ERBIN: variants seen among roughly 807,000 people sequenced by gnomAD.
The protein encoded by ERBIN is erbb2 interacting protein.
In ERBIN, 60 loss-of-function variants were observed where a neutral mutation model predicts 158.4. That is an observed-to-expected ratio of 0.38 (90% CI 0.31 to 0.47). The LOEUF (loss-of-function observed/expected upper bound fraction) is 0.47, where lower values mean the gene tolerates loss of function less well. Ranked by LOEUF, ERBIN falls within the 20% of genes least tolerant of loss-of-function variation. The pLI, the probability that ERBIN is intolerant of heterozygous loss-of-function variation, is 0.99. For synonymous variants in ERBIN, 594 were observed against 557.2 expected (o/e 1.07, Z -0.93); for missense variants, 1,610 against 1,648.0 (o/e 0.98, Z 0.40).
chr5:66,044,593 C>T (rs1187552046), intron 17 of ERBIN, among the ~76,000 whole-genome samples: 3 of 151,188 alleles, frequency 2.0e-5, no homozygotes, highest in Non-Finnish European at 4.4e-5. Context: ...GGTGAAACCC[C>T]ATCTCAACTA....
intron 1 of ERBIN, among the ~76,000 whole-genome samples, chr5:65,981,020 C>G (rs1323702712): frequency 6.6e-6 from 1 of 152,192 alleles, no homozygotes; most frequent in African/African-American, 2.4e-5. Flanking sequence ...CGTGGAACCT[C>G]TCACTAAGAA....
At chr5:66,046,609 A>T in intron 18 of ERBIN, 71 bp downstream of exon 18, 1 of 1,247,590 alleles carries the variant, frequency 8.0e-7, no homozygotes. Flanking sequence ...TGCTAAATAA[A>T]GACCTGATAC....
intron 7 of ERBIN, among the ~76,000 whole-genome samples, chr5:66,016,404 AAT>A (rs1291093846): frequency 2.6e-5 from 4 of 152,204 alleles, no homozygotes; most frequent in African/African-American, 7.2e-5. Flanking sequence ...TGAATTTGCA[AAT>A]ATTCTTTTCT....
intron 17 of ERBIN, among the ~76,000 whole-genome samples, chr5:66,045,318 A>G (rs192926585): frequency 6.6e-6 from 1 of 152,258 alleles, no homozygotes; most frequent in African/African-American, 2.4e-5. Context: ...ATACACAAAT[A>G]CTTTCTATTG....
intron 14 of ERBIN, among the ~76,000 whole-genome samples, chr5:66,032,877 T>C (rs1481193716): frequency 6.6e-6 from 1 of 152,232 alleles, no homozygotes; most frequent in Non-Finnish European, 1.5e-5. Flanking sequence ...GTCAAAGATT[T>C]GGCTTCAGTG....
chr5:65,977,701 C>A (rs1464361340), intron 1 of ERBIN, among the ~76,000 whole-genome samples: 1 of 151,958 alleles, frequency 6.6e-6, no homozygotes, highest in African/African-American at 2.4e-5. Context: ...GGGCTCCTCA[C>A]TTCCCAGACG....
At chr5:66,015,532 CCCTAAAATTTTTTAGGTGTACAGGA>C (rs1304090391) in intron 7 of ERBIN, among the ~76,000 whole-genome samples, 5 of 152,102 alleles carry the variant, frequency 3.3e-5, no homozygotes, top group Non-Finnish European at 7.4e-5. Context: ...TCACTGTAGG[CCCTAAAATTTTTTAGGTGTACAGGA>C]CCTAAAATAT....
chr5:66,048,749 C>A lies in ERBIN; in HGVS notation c.1871C>A (p.Pro624Gln), dbSNP rs1358751062. Residue 624 changes from proline to glutamine, a missense_variant, in exon 19 of 26, where the codon CCA (proline) becomes CAA (glutamine). This residue lies in a region of ERBIN where 1,014 missense variants were observed against 936.1 expected (regional missense o/e 1.08). Transcript: ENST00000284037. Reference protein sequence around the residue: ...PPLIETSINQPKVVALSNNKK... With the variant: ...PPLIETSINQQKVVALSNNKK... Reference sequence around the variant, plus strand: ...TTAATTGAAACCTCTATTAACCAGCCAAAAGTCGTAGCACTTAGTAATAAC... The same window carrying A: ...TTAATTGAAACCTCTATTAACCAGCAAAAAGTCGTAGCACTTAGTAATAAC... The A allele has an allele frequency of 3.1e-6, 5 of 1,605,654 alleles. No individual in the cohort carries two copies. The highest frequency in any genetic ancestry group is 1.3e-5 in the African/African-American group (1 of 74,548).
intron 2 of ERBIN, among the ~76,000 whole-genome samples, chr5:65,989,422 A>G (rs1291642205): frequency 6.6e-6 from 1 of 152,124 alleles, no homozygotes; most frequent in Non-Finnish European, 1.5e-5. Context: ...TGAGGTCTAA[A>G]CCGCTGTCTT....
intron 1 of ERBIN, among the ~76,000 whole-genome samples, chr5:65,966,846 G>A (rs1330615674): frequency 6.6e-6 from 1 of 152,118 alleles, no homozygotes. Context: ...GGAGGTGGAA[G>A]ACGGATAGTA....
intron 7 of ERBIN, among the ~76,000 whole-genome samples, chr5:66,015,616 C>T (rs1483064536): frequency 6.6e-6 from 1 of 152,064 alleles, no homozygotes; most frequent in Non-Finnish European, 1.5e-5. Flanking sequence ...ATGTTGAAAT[C>T]GCATCATCAA....
chr5:65,997,166 G>A (rs1752530302), intron 4 of ERBIN, among the ~76,000 whole-genome samples: 1 of 152,098 alleles, frequency 6.6e-6, no homozygotes, highest in Non-Finnish European at 1.5e-5. Flanking sequence ...GCAGGAATAG[G>A]CATCCTTGCC....
At chr5:66,006,137 A>G (rs1211835651) in intron 4 of ERBIN, among the ~76,000 whole-genome samples, 1 of 152,216 alleles carries the variant, frequency 6.6e-6, no homozygotes, top group Non-Finnish European at 1.5e-5. Flanking sequence ...ACCTGACTTC[A>G]AACTACACTA....
In ERBIN at chr5:66,021,366, G is replaced by A. The variant is rs769094058; in HGVS notation, c.578G>A (p.Ser193Asn). The A allele has an allele frequency of 1.7e-5, 27 of 1,603,080 alleles. No individual in the cohort carries two copies. The South Asian group carries it at 2.7e-4, about 16-fold the overall frequency. The change falls in exon 8 of 26, where the codon AGT (serine) becomes AAT (asparagine). Residue 193 changes from serine (S) to asparagine (N), a missense_variant. By Grantham distance (46) the Ser-to-Asn change is conservative. This residue lies in a region of ERBIN where 596 missense variants were observed against 711.9 expected (regional missense o/e 0.84). Coordinates refer to ENST00000284037, the MANE Select transcript of ERBIN (RefSeq NM_001253697.2). ...CAGCTGGAAAGACTGGATTTGGGAA[G>A]TAACGAATTCACGGAAGTGGTAAGT... ...LTQLERLDLG[S>N]NEFTEVPEVL...
At chr5:66,004,304 C>T (rs761535328) in intron 4 of ERBIN, among the ~76,000 whole-genome samples, 27 of 151,958 alleles carry the variant, frequency 1.8e-4, no homozygotes, top group Admixed American at 3.9e-4. Flanking sequence ...TTATTGAAGT[C>T]GTGATAATTA....
intron 25 of ERBIN, among the ~76,000 whole-genome samples, chr5:66,077,791 C>T (rs980431194): frequency 2.3e-5 from 3 of 131,042 alleles, no homozygotes; most frequent in Non-Finnish European, 1.7e-5. Context: ...CACACACACA[C>T]ACATACACAC....
intron 1 of ERBIN, among the ~76,000 whole-genome samples, chr5:65,953,063 G>C (rs1746708309): frequency 6.6e-6 from 1 of 152,212 alleles, no homozygotes; most frequent in African/African-American, 2.4e-5. Flanking sequence ...TCTTGTATCA[G>C]ACTGTGGTGG....
intron 1 of ERBIN, among the ~76,000 whole-genome samples, chr5:65,962,312 T>G (rs924671138): frequency 6.6e-5 from 10 of 152,196 alleles, no homozygotes; most frequent in African/African-American, 2.4e-4. Flanking sequence ...ATTGGGAAAT[T>G]GGAGAAATTG....
intron 1 of ERBIN, among the ~76,000 whole-genome samples, chr5:65,927,090 T>A (rs2150818280): frequency 6.6e-6 from 1 of 151,326 alleles, no homozygotes; most frequent in East Asian, 2.0e-4. Context: ...AACGATTGCC[T>A]TTGTTCAGCA....
Sources: allele counts gnomAD v4.1 joint callset (sites outside exome capture counted in the v4.1 genomes callset), GRCh38; gene constraint gnomAD v4.1.1; regional missense constraint gnomAD v4.1.1; transcripts MANE v1.5; gene names NCBI Gene and HGNC (gene_info 2026-07-23, HGNC 2026-07-21).